Variants in CYRIB observed in about 807,000 individuals in gnomAD.
CYRIB encodes CYFIP related Rac1 interactor B.
A neutral mutation model predicts 44.2 loss-of-function variants in CYRIB; 8 were observed. The observed-to-expected ratio is 0.18, with a 90% CI of 0.11 to 0.33. CYRIB has a LOEUF of 0.33. CYRIB is among the 10% of genes least tolerant of loss of function. The pLI is 1.00. For synonymous variants in CYRIB, 131 were observed against 127.2 expected (o/e 1.03, Z -0.20); for missense variants, 185 against 382.8 (o/e 0.48, Z 4.31).
At chr8:129,945,303 C>A (rs2094056504) in intron 2 of CYRIB, among the ~76,000 whole-genome samples, 1 of 152,308 alleles carries the variant, frequency 6.6e-6, no homozygotes, top group South Asian at 2.1e-4. Flanking sequence ...CCTGTGAATG[C>A]AGAGGGCAAC....
At chr8:129,965,657 G>A (rs909277622) in intron 2 of CYRIB, among the ~76,000 whole-genome samples, 40 of 151,878 alleles carry the variant, frequency 2.6e-4, no homozygotes, top group Admixed American at 2.3e-3. Flanking sequence ...TTAACCGGGC[G>A]TGGTGGTGGG....
intron 4 of CYRIB, among the ~76,000 whole-genome samples, chr8:129,869,405 T>G (rs1215266628): frequency 1.9e-4 from 21 of 109,114 alleles, no homozygotes; most frequent in Admixed American, 1.1e-3. Flanking sequence ...AAAAAAAAAA[T>G]CAAACAGGTA....
upstream of CYRIB, among the ~76,000 whole-genome samples, chr8:129,941,818 C>T (rs975851789): frequency 7.2e-5 from 11 of 152,178 alleles, no homozygotes; most frequent in African/African-American, 2.7e-4. Flanking sequence ...ATATTATCTT[C>T]AACACATGAA....
chr8:129,949,641 G>C (rs1295157382), intron 2 of CYRIB, among the ~76,000 whole-genome samples: 2 of 151,960 alleles, frequency 1.3e-5, no homozygotes, highest in African/African-American at 4.8e-5. Context: ...GCCGAGGTGG[G>C]CAGATCATTT....
At chr8:130,003,756 C>T (rs1424115956) in intron 1 of CYRIB, among the ~76,000 whole-genome samples, 5 of 152,162 alleles carry the variant, frequency 3.3e-5, no homozygotes, top group African/African-American at 9.7e-5. Context: ...CATTTTCCAA[C>T]CACATTGATC....
At chr8:129,841,687 T>A (rs1030540859) in exon 12 of CYRIB, 2 of 154,144 alleles carry the variant, frequency 1.3e-5, no homozygotes, top group African/African-American at 4.8e-5. Flanking sequence ...TGGGTACCAT[T>A]TGTACAACAC....
At chr8:129,915,031 C>T (rs1322431205) in intron 1 of CYRIB, among the ~76,000 whole-genome samples, 2 of 152,080 alleles carry the variant, frequency 1.3e-5, no homozygotes, top group Non-Finnish European at 2.9e-5. Context: ...AATGACCATA[C>T]CAAGGGCTGG....
intron 2 of CYRIB, among the ~76,000 whole-genome samples, chr8:129,892,124 G>C (rs2065687934): frequency 6.6e-6 from 1 of 152,086 alleles, no homozygotes; most frequent in Non-Finnish European, 1.5e-5. Context: ...CACATATTTA[G>C]ACCATGAAAG....
At chr8:129,967,853 T>A (rs1382795005) in intron 2 of CYRIB, among the ~76,000 whole-genome samples, 1 of 152,226 alleles carries the variant, frequency 6.6e-6, no homozygotes, top group African/African-American at 2.4e-5. Flanking sequence ...TCCTTACGTC[T>A]TCTAATACTG....
At chr8:130,009,110 A>G (rs2097166801) in intron 1 of CYRIB, among the ~76,000 whole-genome samples, 1 of 152,224 alleles carries the variant, frequency 6.6e-6, no homozygotes, top group Non-Finnish European at 1.5e-5. Context: ...GCAATGTGCA[A>G]AAGACTTCAC....
rs1201038329 is a variant in CYRIB at position 129,845,252 on chromosome 8, AT to A, written c.911+1551del. On this transcript the variant is annotated intron_variant, in intron 11 of 11. Transcript: ENST00000519824. ...GAATCCTAAAACCTCCTAGATCTCA[AT>A]TACCTTCAAGTTTTTAAAAAAGATT... is the stretch of plus-strand genomic sequence containing the variant. Among the ~76,000 whole-genome samples the A allele has an allele frequency of 5.9e-5, 9 of 152,304 alleles. No individual in the cohort carries two copies. The South Asian group carries it at 1.7e-3, about 28-fold the overall frequency.
At chr8:130,000,112 A>T (rs1196263475) in intron 1 of CYRIB, among the ~76,000 whole-genome samples, 1 of 152,160 alleles carries the variant, frequency 6.6e-6, no homozygotes, top group Non-Finnish European at 1.5e-5. Flanking sequence ...CCAGCTCAGC[A>T]AGTAGCTGAG....
Position 129,951,089 on chromosome 8 carries a change from A to G in CYRIB, c.-243+19854T>C, listed in dbSNP as rs182218592. Reference sequence around the variant, plus strand: ...GGAGGCCAAGGCAGGCAGATCACTCAAGTCAGGAACTTGAGACCAGCCTGG... The same window carrying G: ...GGAGGCCAAGGCAGGCAGATCACTCGAGTCAGGAACTTGAGACCAGCCTGG... On this transcript the variant is annotated intron_variant, in intron 2 of 14. Coordinates refer to the CYRIB transcript ENST00000401979. Among the ~76,000 whole-genome samples the G allele has an allele frequency of 5.8e-4, 88 of 152,278 alleles. No homozygotes were observed. The South Asian group carries it at 0.011, about 19-fold the overall frequency.
At chr8:129,845,680 C>T (rs7000200) in intron 11 of CYRIB, among the ~76,000 whole-genome samples, 166 of 152,212 alleles carry the variant, frequency 1.1e-3, no homozygotes, top group Middle Eastern at 3.4e-3. Flanking sequence ...AATGATACAG[C>T]CTACATTTTA....
At chr8:129,865,669 G>T (rs899784763) in intron 4 of CYRIB, among the ~76,000 whole-genome samples, 3 of 152,156 alleles carry the variant, frequency 2.0e-5, no homozygotes, top group African/African-American at 7.2e-5. Flanking sequence ...CTCCACAGTA[G>T]CATTTTAAGT....
chr8:129,926,252 T>TA (rs1487953257), intron 1 of CYRIB, among the ~76,000 whole-genome samples: 5 of 152,230 alleles, frequency 3.3e-5, no homozygotes, highest in Non-Finnish European at 5.9e-5. Flanking sequence ...TTATGCCACT[T>TA]AAAAATGTAA....
At chr8:129,981,711 C>T in intron 1 of CYRIB, among the ~76,000 whole-genome samples, 1 of 152,182 alleles carries the variant, frequency 6.6e-6, no homozygotes, top group Admixed American at 6.5e-5. Context: ...AAAGAACACG[C>T]CTGGGGCCTG....
intron 2 of CYRIB, chr8:129,896,693 G>A (rs1456532137): frequency 6.6e-6 from 1 of 152,166 alleles, no homozygotes; most frequent in African/African-American, 2.4e-5. Context: ...GAGAGTCTCT[G>A]GTGCCTCTTC....
intron 2 of CYRIB, among the ~76,000 whole-genome samples, chr8:129,946,855 T>C (rs1417588072): frequency 2.0e-5 from 3 of 152,200 alleles, no homozygotes; most frequent in Non-Finnish European, 4.4e-5. Context: ...GGCTGTTCCC[T>C]TCTGTACCTC....
Sources: gnomAD v4.1 joint callset for allele counts (sites outside exome capture counted in the v4.1 genomes callset) on GRCh38, gnomAD v4.1.1 for gene constraint, MANE v1.5 for transcripts, NCBI Gene and HGNC (gene_info 2026-07-23, HGNC 2026-07-21) for gene names.